The following NFAM1 variants were observed in gnomAD, a reference collection of about 807,000 sequenced individuals.
The protein encoded by NFAM1 is NFAT activating protein with ITAM motif 1.
In NFAM1, 17 loss-of-function variants were observed where a neutral mutation model predicts 29.0. The observed-to-expected ratio is 0.59, with a 90% confidence interval of 0.40 to 0.88. The LOEUF is 0.88. NFAM1 is among the 40% of genes least tolerant of loss of function. The probability of loss-of-function intolerance (pLI) is 0.00; values close to 1 mark genes in which losing one functional copy is unlikely to be tolerated. For synonymous variants in NFAM1, 175 were observed against 147.2 expected (o/e 1.19, Z -1.36); for missense variants, 324 against 344.6 (o/e 0.94, Z 0.47).
At chr22:42,389,203 T>G (rs1929249349) in intron 4 of NFAM1, among the ~76,000 whole-genome samples, 1 of 152,130 alleles carries the variant, frequency 6.6e-6, no homozygotes, top group African/African-American at 2.4e-5. Flanking sequence ...CCAGAACACA[T>G]GAGCCCAGAG....
In NFAM1 at chr22:42,424,339, A is replaced by C. The variant is rs554585490; in HGVS notation, c.121+7898T>G. ...CTGAGGCAGGAGAATGGCGTGAACCAGGGAGGCAGAGCTTGCGATGAACCG... is the reference window on the plus strand; with the variant it reads ...CTGAGGCAGGAGAATGGCGTGAACCCGGGAGGCAGAGCTTGCGATGAACCG... On this transcript the variant is annotated intron_variant, in intron 1 of 5. Transcript: ENST00000329021. 3.0e-4 allele frequency among the ~76,000 whole-genome samples: 45 copies of C among 152,148 alleles called. No homozygotes were observed. In the East Asian group the frequency reaches 5.6e-3, roughly 19 times the overall value.
At position 42,388,618 on chromosome 22, in the gene NFAM1, T is replaced by G; in HGVS notation, c.664-1540A>C. 7.0e-6 allele frequency among the ~76,000 whole-genome samples: 1 copy of G among 142,328 alleles called. No individual in the cohort carries two copies. Among genetic ancestry groups the G allele is most frequent in the Non-Finnish European group, 1.5e-5 (1 of 65,244 alleles). The allele number at this position is 142,328 out of a possible 152,430, so 93.4% of individuals were successfully genotyped here. A position where few individuals can be genotyped will look rare whatever the true frequency, so the allele number is the denominator to read the frequency against. On this transcript the variant is annotated intron_variant, in intron 4 of 5. Coordinates refer to ENST00000329021, the MANE Select transcript of NFAM1 (RefSeq NM_145912.8). The surrounding 1 kb of genome is among the most constrained non-coding windows in gnomAD (Gnocchi z 4.1). ...TGAGGCAGGCTGGAGAGACAGGTGG[T>G]GCTCAGAGGCAGGAGGAGGGCGGGA...
At chr22:42,401,201 G>A (rs1929714437) in intron 3 of NFAM1, among the ~76,000 whole-genome samples, 1 of 152,176 alleles carries the variant, frequency 6.6e-6, no homozygotes, top group Non-Finnish European at 1.5e-5. Context: ...CTGAAGACAC[G>A]GGAGGAACTT....
intron 1 of NFAM1, among the ~76,000 whole-genome samples, chr22:42,416,560 T>G (rs1224521303): frequency 2.0e-5 from 3 of 152,084 alleles, no homozygotes; most frequent in Non-Finnish European, 4.4e-5. Flanking sequence ...GGCCAACAAG[T>G]GGCTACTTGG....
intron 5 of NFAM1, among the ~76,000 whole-genome samples, chr22:42,385,476 C>T (rs1294397662): frequency 6.6e-6 from 1 of 152,006 alleles, no homozygotes; most frequent in East Asian, 1.9e-4. Context: ...CAGCTCTGCC[C>T]TCTGCCTTCT....
In NFAM1 at chr22:42,397,921, C is replaced by T. The variant is rs758434543; in HGVS notation, c.600G>A (p.Arg200=). The T allele has an allele frequency of 6.2e-7, 1 of 1,611,782 alleles. No homozygotes were observed. Among genetic ancestry groups the T allele is most frequent in the Non-Finnish European group, 8.5e-7 (1 of 1,178,684 alleles). The change falls in exon 4 of 6, where the codon AGG becomes AGA. Residue 200 remains arginine, a synonymous_variant. Transcript: ENST00000329021. Reference sequence around the variant, plus strand: ...TGGCAGATCTTGGATCTGGGCACTTCCTGGTGGGGTCCTTCCCTGGACCCC... The same window carrying T: ...TGGCAGATCTTGGATCTGGGCACTTTCTGGTGGGGTCCTTCCCTGGACCCC... ...RMRGPGKDPT[R]KCPDPRSASS...
Position 42,388,087 on chromosome 22 carries a change from C to T in NFAM1, c.664-1009G>A, listed in dbSNP as rs74614743. Among the ~76,000 whole-genome samples the T allele has an allele frequency of 0.019, 2,845 of 152,328 alleles. 78 individuals are homozygous for T. Among genetic ancestry groups the T allele is most frequent in the African/African-American group, 0.064 (2,650 of 41,566 alleles). ...ATGGTAAGGGGGCTTCCCCGTCACT[C>T]GGGTGTGTCCTAGGCCCACTCACTC... On this transcript the variant is annotated intron_variant, in intron 4 of 5. Transcript: ENST00000329021. This position sits in a 1 kb window ranked among gnomAD's most constrained non-coding sequence, Gnocchi z 4.1.
chr22:42,385,260 G>A (rs1929098487), intron 5 of NFAM1, 40 bp from the exon 6 acceptor site: 1 of 1,380,180 alleles, frequency 7.2e-7, no homozygotes, highest in Non-Finnish European at 1.0e-6. Context: ...GAGAGAAAGA[G>A]AGAGAATGAC....
chr22:42,393,930 C>T (rs1289532945), intron 4 of NFAM1, among the ~76,000 whole-genome samples: 1 of 152,072 alleles, frequency 6.6e-6, no homozygotes, highest in African/African-American at 2.4e-5. Context: ...TCTGTGTGCA[C>T]TTGAAAATAA....
At chr22:42,429,070 T>G (rs2146559488) in intron 1 of NFAM1, among the ~76,000 whole-genome samples, 1 of 152,180 alleles carries the variant, frequency 6.6e-6, no homozygotes, top group East Asian at 1.9e-4. Context: ...AGGAGGAGGA[T>G]GGCTGGGAGC....
At chr22:42,427,148 G>A (rs1034407663) in intron 1 of NFAM1, among the ~76,000 whole-genome samples, 15 of 152,018 alleles carry the variant, frequency 9.9e-5, no homozygotes, top group Admixed American at 7.9e-4. Flanking sequence ...CCTTTCTCTG[G>A]TTTCAGCCCC....
At chr22:42,398,382 T>TTTTTTATTA (rs568828000) in intron 3 of NFAM1, among the ~76,000 whole-genome samples, 42 of 125,426 alleles carry the variant, frequency 3.3e-4, no homozygotes, top group African/African-American at 8.3e-4. Context: ...CTTGGTTTTA[T>TTTTTTATTA]TTATTATTAT....
chr22:42,395,881 CAAAA>C (rs60278301), intron 4 of NFAM1, among the ~76,000 whole-genome samples: 7,568 of 93,782 alleles, frequency 0.081, 319 homozygotes, highest in African/African-American at 0.16. Context: ...AGACTCTGCT[CAAAA>C]AAAAAAAAAA....
intron 4 of NFAM1, among the ~76,000 whole-genome samples, chr22:42,393,233 T>G: frequency 6.6e-6 from 1 of 152,056 alleles, no homozygotes; most frequent in East Asian, 1.9e-4. Context: ...TAACTTCTGT[T>G]AAAAATTGAG....
chr22:42,425,142 C>T (rs774480158), intron 1 of NFAM1, among the ~76,000 whole-genome samples: 8 of 152,056 alleles, frequency 5.3e-5, no homozygotes, highest in Non-Finnish European at 1.0e-4. Flanking sequence ...AGGCTGGTCT[C>T]GAACTCCTGA....
intron 3 of NFAM1, among the ~76,000 whole-genome samples, chr22:42,400,309 A>C (rs1929683301): frequency 6.6e-6 from 1 of 152,280 alleles, no homozygotes; most frequent in East Asian, 1.9e-4. Flanking sequence ...GGAGGTGGGC[A>C]TGGAATTGCC....
chr22:42,419,568 G>C lies in NFAM1; in HGVS notation c.122-7832C>G, dbSNP rs1930366281. On this transcript the variant is annotated intron_variant, in intron 1 of 5. Coordinates refer to ENST00000329021, the MANE Select transcript of NFAM1 (RefSeq NM_145912.8). The surrounding 1 kb of genome is among the most constrained non-coding windows in gnomAD (Gnocchi z 4.5). ...AAAATGGAAAGTCCCTGGCTTGGAG[G>C]ATCCAGTTCTTGCCTCCCAGGACCT... Among the ~76,000 whole-genome samples the C allele has an allele frequency of 6.6e-6, 1 of 152,160 alleles. No individual in the cohort carries two copies. Among genetic ancestry groups the C allele is most frequent in the African/African-American group, 2.4e-5 (1 of 41,442 alleles).
At chr22:42,397,998 C>T (rs376526528) in intron 3 of NFAM1, 42 bp from the exon 4 acceptor site, 28 of 1,106,674 alleles carry the variant, frequency 2.5e-5, no homozygotes, top group African/African-American at 1.6e-4. Flanking sequence ...GAGTGGCTCT[C>T]GTCTTCCTCC....
At position 42,411,755 on chromosome 22, in the gene NFAM1, G is replaced by T. The variant is rs1219720959; in HGVS notation, c.122-19C>A. On this transcript the variant is annotated intron_variant, in intron 1 of 5. Transcript: ENST00000329021. ...TGTCCTCCTGGAGGGGAAGCAAAGG[G>T]AGAGAGCAACAGGTCACTTGAGGCT... 1.3e-6 allele frequency: 2 copies of T among 1,588,382 alleles called. No homozygotes were observed.
Sources: allele counts gnomAD v4.1 joint callset (sites outside exome capture counted in the v4.1 genomes callset), GRCh38; gene constraint gnomAD v4.1.1; non-coding constraint Gnocchi (gnomAD v3.1); transcripts MANE v1.5; gene names NCBI Gene and HGNC (gene_info 2026-07-23, HGNC 2026-07-21).